Variants in TENM2 observed in about 807,000 individuals in gnomAD.
TENM2 encodes the protein teneurin transmembrane protein 2.
A neutral mutation model predicts 245.2 loss-of-function variants in TENM2; 52 were observed. That is an observed-to-expected ratio of 0.21 (90% CI 0.17 to 0.27). The LOEUF (loss-of-function observed/expected upper bound fraction) is 0.27, where lower values mean the gene tolerates loss of function less well. Among genes scored for constraint, TENM2 ranks in the 10% least tolerant of loss-of-function variants. The pLI, the probability that TENM2 is intolerant of heterozygous loss-of-function variation, is 1.00. For missense variants in TENM2, 3,046 were observed against 3,666.8 expected, an observed-to-expected ratio of 0.83 and a Z score of 4.37; for synonymous variants, 1,363 against 1,438.9, an observed-to-expected ratio of 0.95 and a Z score of 1.19.
chr5:168,210,088 C>T (rs750211814), intron 19 of TENM2, among the ~76,000 whole-genome samples: 5 of 152,200 alleles, frequency 3.3e-5, no homozygotes, highest in Non-Finnish European at 7.3e-5. Flanking sequence ...AAGCCTAGGC[C>T]TATCCCTTGT....
intron 2 of TENM2, among the ~76,000 whole-genome samples, chr5:167,555,558 G>A (rs1039945153): frequency 6.6e-6 from 1 of 152,080 alleles, no homozygotes; most frequent in African/African-American, 2.4e-5. Flanking sequence ...TGGAGATTTG[G>A]CCTTCCATTC....
At position 167,840,952 on chromosome 5, in the gene TENM2, C is replaced by CT. The variant is rs572487110; in HGVS notation, c.503-35027dup. Among the ~76,000 whole-genome samples, 1,489 of 152,266 alleles carry CT rather than the reference C, an allele frequency of 9.8e-3. 9 individuals are homozygous for CT. Among genetic ancestry groups the CT allele is most frequent in the Middle Eastern group, 0.024 (7 of 294 alleles). On this transcript the variant is annotated intron_variant, in intron 2 of 28. Transcript: ENST00000518659. ...TGCTGACAGAGACCTTGCAACATCACTTTTTTTCACACAACACACCCAATT... is the reference window on the plus strand; with the variant it reads ...TGCTGACAGAGACCTTGCAACATCACTTTTTTTTCACACAACACACCCAATT...
rs181309219 is a variant in TENM2, at chr5:168,223,400, T to G, written c.5109-2688T>G. 3.6e-3 allele frequency among the ~76,000 whole-genome samples: 547 copies of G among 152,320 alleles called. 3 individuals are homozygous for G. The highest frequency in any genetic ancestry group is 8.1e-3 in the Admixed American group (124 of 15,302). ...CGTATCCAAATACTTAGAATTGCTT[T>G]GTTTTCTGATGTTTTAAATACCTTT... is the stretch of plus-strand genomic sequence containing the variant. On this transcript the variant is annotated intron_variant, in intron 23 of 28. Coordinates refer to ENST00000518659, the Ensembl canonical transcript of TENM2.
chr5:167,199,097 T>TAAAAAAAAAA, the TENM2 span, among the ~76,000 whole-genome samples: 15 of 79,288 alleles, frequency 1.9e-4, no homozygotes, highest in South Asian at 4.0e-4. Context: ...TGATATGAAG[T>TAAAAAAAAAA]AAAAAAAAAA....
chr5:167,245,286 C>T, the TENM2 span, among the ~76,000 whole-genome samples: 17 of 152,248 alleles, frequency 1.1e-4, no homozygotes, highest in East Asian at 3.9e-4. Flanking sequence ...AAAGGGTGCA[C>T]GGTAGCTCTT....
At chr5:167,024,815 T>C in the TENM2 span, among the ~76,000 whole-genome samples, 1 of 152,148 alleles carries the variant, frequency 6.6e-6, no homozygotes, top group Non-Finnish European at 1.5e-5. Flanking sequence ...AGCCCAAGAT[T>C]CCCAGATTCA....
chr5:167,150,632 T>G, the TENM2 span, among the ~76,000 whole-genome samples: 1 of 152,214 alleles, frequency 6.6e-6, no homozygotes. Flanking sequence ...ATCAATTATT[T>G]GTCTTTTATA....
intron 4 of TENM2, among the ~76,000 whole-genome samples, chr5:167,963,799 A>G (rs1366098953): frequency 6.6e-6 from 1 of 151,482 alleles, no homozygotes; most frequent in Non-Finnish European, 1.5e-5. Flanking sequence ...TTTTTTTTCT[A>G]TGATGAGTAC....
rs1055081682 is a variant in TENM2 at position 168,193,274 on chromosome 5, A to G, written c.2781-1902A>G. Among the ~76,000 whole-genome samples the G allele has an allele frequency of 2.6e-5, 4 of 152,224 alleles. No homozygotes were observed. In the East Asian group the frequency reaches 7.7e-4, roughly 29 times the overall value. On this transcript the variant is annotated intron_variant, in intron 14 of 28. Coordinates refer to ENST00000518659, the Ensembl canonical transcript of TENM2. ...GAATTCCAGTACATTATCATCTTAC[A>G]AATAACGAAGGACAAAGCTAGGAGT... is the stretch of plus-strand genomic sequence containing the variant.
At chr5:167,417,102 T>C (rs1763209816) in intron 2 of TENM2, among the ~76,000 whole-genome samples, 1 of 152,204 alleles carries the variant, frequency 6.6e-6, no homozygotes, top group Non-Finnish European at 1.5e-5. Flanking sequence ...CACCCAGAAT[T>C]ACACATTTAG....
At chr5:167,222,662 G>A in the TENM2 span, among the ~76,000 whole-genome samples, 2 of 152,106 alleles carry the variant, frequency 1.3e-5, no homozygotes, top group African/African-American at 4.8e-5. Context: ...TGGCTGCTCG[G>A]AAACATGCAC....
At chr5:167,565,249 T>C (rs1482434587) in intron 2 of TENM2, among the ~76,000 whole-genome samples, 1 of 152,196 alleles carries the variant, frequency 6.6e-6, no homozygotes, top group Non-Finnish European at 1.5e-5. Flanking sequence ...ATATAGTAAA[T>C]GAGGTCAGGG....
chr5:167,275,796 A>T, the TENM2 span, among the ~76,000 whole-genome samples: 1 of 152,020 alleles, frequency 6.6e-6, no homozygotes, highest in Non-Finnish European at 1.5e-5. Context: ...CAATCATGTC[A>T]TCTGTAAACA....
chr5:168,071,609 T>C (rs1231866402), intron 7 of TENM2, among the ~76,000 whole-genome samples: 3 of 152,184 alleles, frequency 2.0e-5, no homozygotes, highest in Non-Finnish European at 4.4e-5. Flanking sequence ...AAATAGTCCA[T>C]TGTCTTGAAT....
At chr5:167,408,324 C>A (rs527538861) in intron 2 of TENM2, among the ~76,000 whole-genome samples, 3 of 152,050 alleles carry the variant, frequency 2.0e-5, no homozygotes, top group African/African-American at 7.2e-5. Context: ...ATATATATGT[C>A]TAACTCACCT....
intron 2 of TENM2, among the ~76,000 whole-genome samples, chr5:167,599,214 G>A (rs1203634098): frequency 6.6e-6 from 1 of 152,184 alleles, no homozygotes; most frequent in African/African-American, 2.4e-5. Flanking sequence ...AATTTTTTGG[G>A]CTGAGTGTGT....
At chr5:168,211,806 T>G in intron 20 of TENM2, 52 bp downstream of exon 22, 5 of 1,168,842 alleles carry the variant, frequency 4.3e-6, no homozygotes, top group Non-Finnish European at 6.0e-6. Flanking sequence ...GTTTGCTTCC[T>G]TGTGTTTGCT....
At chr5:167,398,532 A>G (rs1250329335) in intron 2 of TENM2, among the ~76,000 whole-genome samples, 1 of 151,444 alleles carries the variant, frequency 6.6e-6, no homozygotes, top group African/African-American at 2.4e-5. Flanking sequence ...CTCAGATTCA[A>G]GTGATTCTCC....
intron 2 of TENM2, among the ~76,000 whole-genome samples, chr5:167,490,935 T>C (rs1348772251): frequency 6.6e-6 from 1 of 152,142 alleles, no homozygotes; most frequent in Non-Finnish European, 1.5e-5. Context: ...GTTTCTCAGC[T>C]CTGTATGTTG....
Sources: allele counts gnomAD v4.1 joint callset (sites outside exome capture counted in the v4.1 genomes callset), GRCh38; gene constraint gnomAD v4.1.1; transcripts MANE v1.5; gene names NCBI Gene and HGNC (gene_info 2026-07-23, HGNC 2026-07-21).